CENPP: variants seen among roughly 807,000 people sequenced by gnomAD.
CENPP encodes centromere protein P.
CENPP carries 24 observed loss-of-function variants against 35.6 expected under a neutral mutation model. The ratio of observed to expected loss-of-function variants is 0.67; its 90% CI spans 0.49 to 0.95. CENPP has a LOEUF of 0.95. Ranked by LOEUF, CENPP falls within the 40% of genes least tolerant of loss-of-function variation. The pLI is 0.00. For missense variants in CENPP, 332 were observed against 345.3 expected, an observed-to-expected ratio of 0.96 and a Z score of 0.31; for synonymous variants, 120 against 125.5, an observed-to-expected ratio of 0.96 and a Z score of 0.29.
intron 5 of CENPP, among the ~76,000 whole-genome samples, chr9:92,461,058 C>T (rs1336162152): frequency 6.6e-6 from 1 of 152,170 alleles, no homozygotes; most frequent in Non-Finnish European, 1.5e-5. Context: ...TATGAACCAC[C>T]ATGCTCAGCT....
At chr9:92,363,837 T>A (rs1339097015) in intron 4 of CENPP, among the ~76,000 whole-genome samples, 3 of 147,900 alleles carry the variant, frequency 2.0e-5, no homozygotes, top group Admixed American at 6.8e-5. Flanking sequence ...TCCTATTGGG[T>A]TTTTTTTTTG....
intron 5 of CENPP, chr9:92,495,938 C>T (rs572387609): frequency 4.3e-5 from 42 of 986,042 alleles, no homozygotes; most frequent in Admixed American, 6.1e-5. Flanking sequence ...TAATCTTGAA[C>T]CAAAAGATAC....
chr9:92,463,889 G>C (rs765119555), intron 5 of CENPP, among the ~76,000 whole-genome samples: 1 of 152,112 alleles, frequency 6.6e-6, no homozygotes, highest in Non-Finnish European at 1.5e-5. Flanking sequence ...TTTTACTTTA[G>C]ATGATCTTTA....
rs376172195 is a variant in CENPP at position 92,509,922 on chromosome 9, G to A, written c.565-101392G>A. ...ACCTGATAAACTTTCTTCATCGATA[G>A]CCTGAAGATTGTTCTCATTGACTTT... is the stretch of plus-strand genomic sequence containing the variant. On this transcript the variant is annotated intron_variant, in intron 5 of 7. Transcript: ENST00000375587. 3.1e-6 allele frequency: 5 copies of A among 1,603,558 alleles called. No individual in the cohort carries two copies. The African/African-American group carries it at 4.0e-5, about 13-fold the overall frequency.
chr9:92,456,291 A>C (rs1356586920), intron 5 of CENPP: 3 of 152,036 alleles, frequency 2.0e-5, no homozygotes, highest in African/African-American at 7.2e-5. Context: ...TACATAAAGA[A>C]CTCTGAGCAT....
chr9:92,478,483 T>C (rs1268437686), intron 5 of CENPP, among the ~76,000 whole-genome samples: 1 of 152,220 alleles, frequency 6.6e-6, no homozygotes, highest in Non-Finnish European at 1.5e-5. Flanking sequence ...AGATGGAGTC[T>C]CACTTTGTCG....
chr9:92,594,762 C>T (rs1850736513), intron 5 of CENPP, among the ~76,000 whole-genome samples: 1 of 152,000 alleles, frequency 6.6e-6, no homozygotes, highest in African/African-American at 2.4e-5. Flanking sequence ...TGAGACCATC[C>T]TGGACAACAT....
intron 5 of CENPP, among the ~76,000 whole-genome samples, chr9:92,490,854 A>G (rs1846156672): frequency 6.6e-6 from 1 of 152,198 alleles, no homozygotes; most frequent in African/African-American, 2.4e-5. Flanking sequence ...GTGACCCTGT[A>G]TAAATCTTTT....
chr9:92,500,405 A>G (rs949198928), intron 5 of CENPP, among the ~76,000 whole-genome samples: 8 of 152,154 alleles, frequency 5.3e-5, no homozygotes, highest in Non-Finnish European at 1.2e-4. Context: ...CTGGCCTCAG[A>G]CTCTTGAACT....
At chr9:92,571,891 T>A (rs1469432036) in intron 5 of CENPP, among the ~76,000 whole-genome samples, 3 of 150,512 alleles carry the variant, frequency 2.0e-5, no homozygotes, top group Non-Finnish European at 4.4e-5. Context: ...TATCAGCAAC[T>A]AGGATTGCAA....
chr9:92,453,655 C>A (rs989725485), intron 5 of CENPP, among the ~76,000 whole-genome samples: 1 of 152,068 alleles, frequency 6.6e-6, no homozygotes, highest in Non-Finnish European at 1.5e-5. Context: ...GACTTTAACA[C>A]CCCACTGTCA....
At chr9:92,351,331 C>G (rs1486636896) in intron 4 of CENPP, among the ~76,000 whole-genome samples, 2 of 151,818 alleles carry the variant, frequency 1.3e-5, no homozygotes, top group Non-Finnish European at 2.9e-5. Flanking sequence ...AATACAAAAA[C>G]TAGCTGGGCA....
At chr9:92,403,347 G>T (rs945395568) in intron 5 of CENPP, 1 of 1,613,458 alleles carries the variant, frequency 6.2e-7, no homozygotes, top group East Asian at 2.2e-5. Context: ...TGGGTTGGTG[G>T]TGCTGGCTTT....
rs185881604 is a variant in CENPP at position 92,448,608 on chromosome 9, G to T, written c.564+68749G>T. 1.6e-4 allele frequency among the ~76,000 whole-genome samples: 24 copies of T among 152,068 alleles called. No individual in the cohort carries two copies. The East Asian group carries it at 4.3e-3, about 27-fold the overall frequency. On this transcript the variant is annotated intron_variant, in intron 5 of 7. Transcript: ENST00000375587. ...AATCCTATGATTTCATCTCTAGGGG[G>T]GTGTAAGCCGTTCTCCTGTGGGCTG...
chr9:92,486,234 T>C (rs1588172086), intron 5 of CENPP, among the ~76,000 whole-genome samples: 1 of 152,252 alleles, frequency 6.6e-6, no homozygotes, highest in East Asian at 1.9e-4. Flanking sequence ...TAAATATGCA[T>C]AACATAGGGT....
At chr9:92,351,945 G>A (rs1013938311) in intron 4 of CENPP, among the ~76,000 whole-genome samples, 2 of 151,424 alleles carry the variant, frequency 1.3e-5, no homozygotes, top group Non-Finnish European at 2.9e-5. Context: ...TTTTTTGACT[G>A]GTTTATTTCG....
At chr9:92,496,220 G>A in intron 5 of CENPP, 2 of 1,479,872 alleles carry the variant, frequency 1.4e-6, no homozygotes, top group Non-Finnish European at 1.8e-6. Context: ...ATGATACTGA[G>A]TATAACAGGA....
rs1554688218 is a variant in CENPP, at chr9:92,567,369, G to GATAGATAT, written c.565-43941_565-43934dup. On this transcript the variant is annotated intron_variant, in intron 5 of 7. Coordinates refer to ENST00000375587, the MANE Select transcript of CENPP (RefSeq NM_001012267.3). ...ATTTATGGGGTATACAGTTACATAAGATAGATATATATATATATATATATA... is the reference window on the plus strand; with the variant it reads ...ATTTATGGGGTATACAGTTACATAAGATAGATATATAGATATATATATATATATATATA... Among the ~76,000 whole-genome samples, 85 of 104,098 alleles carry GATAGATAT rather than the reference G, an allele frequency of 8.2e-4. 1 individual carries two copies. The East Asian group carries it at 0.014, about 17-fold the overall frequency. 68.3% of individuals were successfully genotyped at this position (104,098 alleles called of 152,430 possible).
intron 5 of CENPP, among the ~76,000 whole-genome samples, chr9:92,561,287 C>G (rs538961213): frequency 6.6e-6 from 1 of 152,148 alleles, no homozygotes. Flanking sequence ...CTGTTCCTCC[C>G]GCAATCCCCC....
Sources: gnomAD v4.1 joint callset for allele counts (sites outside exome capture counted in the v4.1 genomes callset) on GRCh38, gnomAD v4.1.1 for gene constraint, MANE v1.5 for transcripts, NCBI Gene and HGNC (gene_info 2026-07-23, HGNC 2026-07-21) for gene names.